Variants in EFNA3 observed in about 807,000 individuals in gnomAD.
EFNA3 encodes ephrin-A3.
EFNA3 carries 15 observed loss-of-function variants against 25.0 expected under a neutral mutation model. That is an observed-to-expected ratio of 0.60 (90% CI 0.40 to 0.92). EFNA3 has a LOEUF of 0.92. EFNA3 is among the 40% of genes least tolerant of loss of function. EFNA3 has a pLI of 0.00. For missense variants in EFNA3, 298 were observed against 323.8 expected (o/e 0.92, Z 0.61); for synonymous variants, 153 against 145.6 (o/e 1.05, Z -0.37).
Position 155,086,186 on chromosome 1 carries a change from T to C in EFNA3, c.567T>C (p.Asn189=). ...PTLPQFTMGP[N]VKINVLEDFE... ...TCCCCCAGTTCACCATGGGCCCCAA[T>C]GTGAAGATCAACGTGCTGGGTGAGT... Residue 189 remains asparagine (N), a synonymous_variant, in exon 4 of 5, where the codon AAT becomes AAC. Transcript: ENST00000368408. The C allele has an allele frequency of 1.4e-6, 2 of 1,479,744 alleles. No individual in the cohort carries two copies. Among genetic ancestry groups the C allele is most frequent in the Non-Finnish European group, 1.8e-6 (2 of 1,097,124 alleles). 91.7% of individuals were successfully genotyped at this position (1,479,744 alleles called of 1,614,324 possible).
rs1436037863 is a variant in EFNA3 at position 155,086,692 on chromosome 1, C to G, written c.*149C>G. The G allele has an allele frequency of 1.1e-5, 11 of 970,438 alleles. No individual in the cohort carries two copies. The Admixed American group carries it at 3.1e-4, about 27-fold the overall frequency. The allele number at this position is 970,438 out of a possible 1,614,324, so 60.1% of individuals were successfully genotyped here. ...TGCACCATACATCTGTGTCCGCCCC[C>G]TCTACCCCTTCCCCCCACGTAGGGC... On this transcript the variant is annotated 3_prime_UTR_variant, in exon 5 of 5. Transcript: ENST00000368408.
chr1:155,085,320 A>T lies in EFNA3; in HGVS notation c.358A>T (p.Ile120Phe). 6.2e-7 allele frequency: 1 copy of T among 1,613,164 alleles called. No homozygotes were observed. The highest frequency in any genetic ancestry group is 8.5e-7 in the Non-Finnish European group (1 of 1,179,612). ...CNRPHAPHSP[I>F]KFSEKFQRYS... is the part of the protein sequence containing the mutation. Reference sequence around the variant, plus strand: ...CCGGCCGCACGCCCCGCACAGCCCCATCAAGTTCTCGGAGAAGTTCCAGCG... The same window carrying T: ...CCGGCCGCACGCCCCGCACAGCCCCTTCAAGTTCTCGGAGAAGTTCCAGCG... The change falls in exon 2 of 5, where the codon ATC (isoleucine) becomes TTC (phenylalanine). Residue 120 changes from isoleucine to phenylalanine, a missense_variant. Ile to Phe is a conservative substitution (Grantham distance 21). Transcript: ENST00000368408. The surrounding 1 kb of genome is among the most constrained non-coding windows in gnomAD (Gnocchi z 4.4).
At position 155,080,120 on chromosome 1, in the gene EFNA3, C is replaced by A. The variant is rs1296156886; in HGVS notation, c.128+1051C>A. 6.6e-6 allele frequency among the ~76,000 whole-genome samples: 1 copy of A among 152,108 alleles called. No homozygotes were observed. Among genetic ancestry groups the A allele is most frequent in the Admixed American group, 6.5e-5 (1 of 15,268 alleles). ...TGTCTGTGTGTTAGTAGGGGGAGAT[C>A]CCTGGGGACGCGGGGGTCACTGTCA... On this transcript the variant is annotated intron_variant, in intron 1 of 4. Coordinates refer to ENST00000368408, the MANE Select transcript of EFNA3 (RefSeq NM_004952.5). This position sits in a 1 kb window ranked among gnomAD's most constrained non-coding sequence, Gnocchi z 7.0.
rs527634195 is a variant in EFNA3 at position 155,079,717 on chromosome 1, G to A, written c.128+648G>A. ...AGAGAGATGTCGGTGTGTCACACAC[G>A]CACACACACGCCCGGGCTGGGGACG... On this transcript the variant is annotated intron_variant, in intron 1 of 4. Transcript: ENST00000368408. The surrounding 1 kb of genome is among the most constrained non-coding windows in gnomAD (Gnocchi z 7.7). Among the ~76,000 whole-genome samples, 5 of 152,244 alleles carry A rather than the reference G, an allele frequency of 3.3e-5. No homozygotes were observed. In the South Asian group the frequency reaches 1.0e-3, roughly 32 times the overall value.
rs1232761475 is a variant in EFNA3 at position 155,080,520 on chromosome 1, C to T, written c.128+1451C>T. ...CAGCTCTATCTAGCTCAGCCCCCTC[C>T]CCCAGACTCACACGTCCGCCCCCCA... is the stretch of plus-strand genomic sequence containing the variant. On this transcript the variant is annotated intron_variant, in intron 1 of 4. Coordinates refer to ENST00000368408, the MANE Select transcript of EFNA3 (RefSeq NM_004952.5). The surrounding 1 kb of genome is among the most constrained non-coding windows in gnomAD (Gnocchi z 7.0). Among the ~76,000 whole-genome samples the T allele has an allele frequency of 6.6e-6, 1 of 152,140 alleles. No homozygotes were observed. The highest frequency in any genetic ancestry group is 1.5e-5 in the Non-Finnish European group (1 of 67,994).
At chr1:155,083,811 G>T (rs937306816) in intron 1 of EFNA3, among the ~76,000 whole-genome samples, 1 of 152,182 alleles carries the variant, frequency 6.6e-6, no homozygotes, top group Non-Finnish European at 1.5e-5. Flanking sequence ...CAGGGACTAG[G>T]GACCCCGTGG....
Position 155,085,776 on chromosome 1 carries a change from G to A in EFNA3, c.443-101G>A, listed in dbSNP as rs1663441780. On this transcript the variant is annotated intron_variant, in intron 2 of 4. Transcript: ENST00000368408. This position sits in a 1 kb window ranked among gnomAD's most constrained non-coding sequence, Gnocchi z 4.4. ...GGTAGGGGAGCTCCTGAAGGAGACC[G>A]CCCGACGGGGACAGTTTGGAGGGGG... 7.0e-7 allele frequency: 1 copy of A among 1,428,010 alleles called. No homozygotes were observed. Among genetic ancestry groups the A allele is most frequent in the East Asian group, 2.5e-5 (1 of 40,646 alleles). The allele number at this position is 1,428,010 out of a possible 1,614,324, so 88.5% of individuals were successfully genotyped here. A position where few individuals can be genotyped will look rare whatever the true frequency, so the allele number is the denominator to read the frequency against.
Position 155,078,952 on chromosome 1 carries a change from C to T in EFNA3, c.11C>T (p.Ala4Val). 7.1e-7 allele frequency: 1 copy of T among 1,413,750 alleles called. No individual in the cohort carries two copies. Among genetic ancestry groups the T allele is most frequent in the Admixed American group, 3.3e-5 (1 of 30,120 alleles). The allele number at this position is 1,413,750 out of a possible 1,614,324, so 87.6% of individuals were successfully genotyped here. Residue 4 changes from alanine to valine, a missense_variant, in exon 1 of 5, where the codon GCT becomes GTT. By Grantham distance (64) the Ala-to-Val change is moderately conservative. Transcript: ENST00000368408. ...GCGGCGGCTCCGGGGATGGCGGCGGCTCCGCTGCTGCTGCTGCTGCTGCTC... is the reference window on the plus strand; with the variant it reads ...GCGGCGGCTCCGGGGATGGCGGCGGTTCCGCTGCTGCTGCTGCTGCTGCTC... Reference protein sequence around the residue: MAAAPLLLLLLLVP... With the variant: MAAVPLLLLLLLVP...
rs1383990085 is a variant in EFNA3 at position 155,080,922 on chromosome 1, G to A, written c.128+1853G>A. The stretch of plus-strand genomic sequence containing the variant: ...CCCCGGCTCCCTCACTGCGGCAGCC[G>A]CGGCCCCATAAATCGTGAGAGCGAC... On this transcript the variant is annotated intron_variant, in intron 1 of 4. Coordinates refer to ENST00000368408, the MANE Select transcript of EFNA3 (RefSeq NM_004952.5). This position sits in a 1 kb window ranked among gnomAD's most constrained non-coding sequence, Gnocchi z 7.0. Among the ~76,000 whole-genome samples the A allele has an allele frequency of 2.6e-5, 4 of 152,138 alleles. No homozygotes were observed. The highest frequency in any genetic ancestry group is 1.3e-4 in the Admixed American group (2 of 15,286).
chr1:155,085,798 G>A lies in EFNA3; in HGVS notation c.443-79G>A. 6.5e-7 allele frequency: 1 copy of A among 1,537,682 alleles called. No homozygotes were observed. Among genetic ancestry groups the A allele is most frequent in the Non-Finnish European group, 8.9e-7 (1 of 1,125,436 alleles). Reference sequence around the variant, plus strand: ...ACCGCCCGACGGGGACAGTTTGGAGGGGGTGAGAAATAGAGCCGTCGAGGG... The same window carrying A: ...ACCGCCCGACGGGGACAGTTTGGAGAGGGTGAGAAATAGAGCCGTCGAGGG... On this transcript the variant is annotated intron_variant, in intron 2 of 4. Transcript: ENST00000368408. This position sits in a 1 kb window ranked among gnomAD's most constrained non-coding sequence, Gnocchi z 4.4.
At chr1:155,084,976 C>T in intron 1 of EFNA3, 115 bp from the exon 2 acceptor site, 1 of 1,228,266 alleles carries the variant, frequency 8.1e-7, no homozygotes, top group Non-Finnish European at 1.2e-6. Flanking sequence ...CGAGGAAGCT[C>T]GGAGGAAAAG....
chr1:155,085,379 C>A lies in EFNA3; in HGVS notation c.417C>A (p.His139Gln). ...CCTTCTCTCTGGGCTACGAGTTCCA[C>A]GCCGGCCACGAGTACTACTACATCT... ...YSAFSLGYEF[H>Q]AGHEYYYIST... The change falls in exon 2 of 5, where the codon CAC (histidine) becomes CAA (glutamine). Residue 139 changes from histidine to glutamine, a missense_variant. By Grantham distance (24) the His-to-Gln change is conservative. Coordinates refer to ENST00000368408, the MANE Select transcript of EFNA3 (RefSeq NM_004952.5). This position sits in a 1 kb window ranked among gnomAD's most constrained non-coding sequence, Gnocchi z 4.4. 1 of 1,609,566 alleles carries A rather than the reference C, an allele frequency of 6.2e-7. No individual in the cohort carries two copies. Among genetic ancestry groups the A allele is most frequent in the Non-Finnish European group, 8.5e-7 (1 of 1,177,570 alleles).
At chr1:155,086,240 T>G (rs773708539) in intron 4 of EFNA3, 35 bp downstream of exon 4, 23 of 1,610,166 alleles carry the variant, frequency 1.4e-5, no homozygotes, top group Non-Finnish European at 2.0e-5. Flanking sequence ...TGGCCACTGC[T>G]GGAACCGCAG....
At chr1:155,082,257 G>T (rs1451162732) in intron 1 of EFNA3, among the ~76,000 whole-genome samples, 6 of 152,200 alleles carry the variant, frequency 3.9e-5, no homozygotes, top group African/African-American at 9.6e-5. Flanking sequence ...GAGGAACCCG[G>T]GTCTACATTC....
In EFNA3 at chr1:155,079,008, C is replaced by T; in HGVS notation, c.67C>T (p.Gln23Ter). 1 of 1,434,260 alleles carries T rather than the reference C, an allele frequency of 7.0e-7. No homozygotes were observed. Among genetic ancestry groups the T allele is most frequent in the Non-Finnish European group, 9.2e-7 (1 of 1,090,258 alleles). The allele number at this position is 1,434,260 out of a possible 1,614,324, so 88.8% of individuals were successfully genotyped here. Residue 23 changes from glutamine (Q) to a stop codon, truncating the protein, a stop_gained, in exon 1 of 5, where the codon CAA becomes TAA. Transcript: ENST00000368408. LOFTEE classifies it high-confidence loss of function. The surrounding 1 kb of genome is among the most constrained non-coding windows in gnomAD (Gnocchi z 7.7). The part of the protein sequence containing the change: ...VPVPLLPLLA[Q>*]GPGGALGNRH... Reference sequence around the variant, plus strand: ...CGTGCCGCTGCTGCCGCTGCTGGCCCAAGGGCCCGGAGGGGCGCTGGGAAA... The same window carrying T: ...CGTGCCGCTGCTGCCGCTGCTGGCCTAAGGGCCCGGAGGGGCGCTGGGAAA...
intron 1 of EFNA3, among the ~76,000 whole-genome samples, chr1:155,083,788 C>T (rs180815714): frequency 6.9e-4 from 105 of 152,320 alleles, no homozygotes; most frequent in African/African-American, 2.4e-3. Context: ...AGTCTCTCCC[C>T]CCAGGGAGCT....
In EFNA3 at chr1:155,085,228, A is replaced by T; in HGVS notation, c.266A>T (p.Tyr89Phe). ...PGGGAEQYVL[Y>F]MVSRNGYRTC... Reference sequence around the variant, plus strand: ...GGCGGGGCAGAGCAGTACGTGCTGTACATGGTGAGCCGCAACGGCTACCGC... The same window carrying T: ...GGCGGGGCAGAGCAGTACGTGCTGTTCATGGTGAGCCGCAACGGCTACCGC... The change falls in exon 2 of 5, where the codon TAC (tyrosine) becomes TTC (phenylalanine). Residue 89 changes from tyrosine (Y) to phenylalanine (F), a missense_variant. Physicochemically the swap from Tyr to Phe is conservative, Grantham distance 22 (BLOSUM62 3). Transcript: ENST00000368408. The surrounding 1 kb of genome is among the most constrained non-coding windows in gnomAD (Gnocchi z 4.4). The T allele has an allele frequency of 1.2e-6, 2 of 1,613,010 alleles. No individual in the cohort carries two copies. Among genetic ancestry groups the T allele is most frequent in the Non-Finnish European group, 1.7e-6 (2 of 1,179,778 alleles).
Position 155,087,042 on chromosome 1 carries a change from A to C in EFNA3, c.*499A>C. 6.5e-6 allele frequency: 1 copy of C among 154,106 alleles called. No homozygotes were observed. Among genetic ancestry groups the C allele is most frequent in the Non-Finnish European group, 1.4e-5 (1 of 69,078 alleles). 9.5% of individuals were successfully genotyped at this position (154,106 alleles called of 1,614,324 possible). ...AGCAATAAGCACGTCCTCCTCCCCC[A>C]CTCCCACTTCCAGGATTGTGGTTTG... On this transcript the variant is annotated 3_prime_UTR_variant, in exon 5 of 5. Transcript: ENST00000368408.
rs779731537 is a variant in EFNA3 at position 155,085,670 on chromosome 1, C to G, written c.443-207C>G. 1 of 689,856 alleles carries G rather than the reference C, an allele frequency of 1.4e-6. No individual in the cohort carries two copies. Among genetic ancestry groups the G allele is most frequent in the Non-Finnish European group, 2.4e-6 (1 of 417,506 alleles). The allele number at this position is 689,856 out of a possible 1,614,324, so 42.7% of individuals were successfully genotyped here. ...GAGGGACATTCCGGGGTTGGAACAT[C>G]AGGGATCCCAGTTTCTTGAGGGGTG... is the stretch of plus-strand genomic sequence containing the variant. On this transcript the variant is annotated intron_variant, in intron 2 of 4. Coordinates refer to ENST00000368408, the MANE Select transcript of EFNA3 (RefSeq NM_004952.5). This position sits in a 1 kb window ranked among gnomAD's most constrained non-coding sequence, Gnocchi z 4.4.
Sources: allele counts gnomAD v4.1 joint callset (sites outside exome capture counted in the v4.1 genomes callset), GRCh38; gene constraint gnomAD v4.1.1; non-coding constraint Gnocchi (gnomAD v3.1); transcripts MANE v1.5; gene names NCBI Gene and HGNC (gene_info 2026-07-23, HGNC 2026-07-21).